The following ZZEF1 variants were observed in gnomAD, a reference collection of about 807,000 sequenced individuals.
ZZEF1 encodes zinc finger ZZ-type and EF-hand domain containing 1, also known as zinc finger ZZ-type and EF-hand domain-containing protein 1.
ZZEF1 carries 157 observed loss-of-function variants against 342.8 expected under a neutral mutation model. The ratio of observed to expected loss-of-function variants is 0.46; its 90% CI spans 0.40 to 0.52. The LOEUF is 0.52. Among genes scored for constraint, ZZEF1 ranks in the 20% least tolerant of loss-of-function variants. The pLI is 0.00. For missense variants in ZZEF1, 3,480 were observed against 3,725.6 expected (o/e 0.93, Z 1.72); for synonymous variants, 1,505 against 1,429.1 (o/e 1.05, Z -1.20).
intron 21 of ZZEF1, chr17:4,076,137 C>CTTTTTTTTTTTTTTTTTTTTTTT (rs549589021): frequency 8.2e-6 from 1 of 122,190 alleles, no homozygotes; most frequent in African/African-American, 3.2e-5. Flanking sequence ...CGTCTCCTTT[C>CTTTTTTTTTTTTTTTTTTTTTTT]TTTTTTTTTT....
chr17:4,097,901 C>T (rs562526811), intron 9 of ZZEF1, among the ~76,000 whole-genome samples: 2 of 127,974 alleles, frequency 1.6e-5, no homozygotes, highest in South Asian at 5.0e-4. Context: ...CCAGCCTGGG[C>T]AGCACAGTGA....
intron 3 of ZZEF1, among the ~76,000 whole-genome samples, chr17:4,115,599 G>A (rs549841940): frequency 6.8e-4 from 103 of 152,064 alleles, no homozygotes; most frequent in Non-Finnish European, 7.9e-4. Context: ...GGAGGTGAAG[G>A]TTTCGGTGAG....
rs778476294 is a variant in ZZEF1, at chr17:4,076,994, C to A, written c.2990-5G>T. 1 of 1,608,864 alleles carries A rather than the reference C, an allele frequency of 6.2e-7. No individual in the cohort carries two copies. The highest frequency in any genetic ancestry group is 1.3e-5 in the African/African-American group (1 of 74,608). On this transcript the variant is annotated splice_polypyrimidine_tract_variant and splice_region_variant and intron_variant, in intron 19 of 54. Coordinates refer to ENST00000381638, the MANE Select transcript of ZZEF1 (RefSeq NM_015113.4). ...TTGCCAGAAACTGGCCCACATCTAC[C>A]GAAACAAAGAAAATAATTAATATAT...
chr17:4,106,671 T>A (rs1442699874), intron 6 of ZZEF1, among the ~76,000 whole-genome samples: 2 of 152,182 alleles, frequency 1.3e-5, no homozygotes, highest in African/African-American at 4.8e-5. Context: ...CTTACATTTA[T>A]CTTTCTGAAT....
intron 2 of ZZEF1, among the ~76,000 whole-genome samples, chr17:4,123,310 T>TATATATAC (rs56657404): frequency 9.5e-6 from 1 of 104,912 alleles, no homozygotes; most frequent in South Asian, 3.0e-4. Context: ...TATATATATA[T>TATATATAC]CAGAAAAATA....
chr17:4,017,986 C>T lies in ZZEF1; in HGVS notation c.7506-15G>A. ...CACCATCAAACCTGCAGAAGGGCAG[C>T]ACAAAGTTGAGTACCAACAGTGTAG... On this transcript the variant is annotated splice_polypyrimidine_tract_variant and intron_variant, in intron 46 of 54. Coordinates refer to ENST00000381638, the MANE Select transcript of ZZEF1 (RefSeq NM_015113.4). This position sits in a 1 kb window ranked among gnomAD's most constrained non-coding sequence, Gnocchi z 5.1. The T allele has an allele frequency of 6.2e-7, 1 of 1,612,178 alleles. No individual in the cohort carries two copies. Among genetic ancestry groups the T allele is most frequent in the Non-Finnish European group, 8.5e-7 (1 of 1,179,928 alleles).
chr17:4,108,561 T>C (rs1227503130), intron 6 of ZZEF1, among the ~76,000 whole-genome samples: 1 of 151,838 alleles, frequency 6.6e-6, no homozygotes, highest in Non-Finnish European at 1.5e-5. Context: ...TTGCAGGGAG[T>C]CTGAGGATGA....
chr17:4,071,011 G>A, intron 25 of ZZEF1, 87 bp from the exon 26 acceptor site: 2 of 1,480,216 alleles, frequency 1.4e-6, no homozygotes, highest in Non-Finnish European at 9.1e-7. Context: ...CAAAGCAGAA[G>A]TATAAAACAC....
intron 30 of ZZEF1, 148 bp downstream of exon 30, chr17:4,062,605 C>T: frequency 1.1e-6 from 1 of 894,226 alleles, no homozygotes; most frequent in Non-Finnish European, 1.6e-6. Context: ...TATAACCCAT[C>T]TTTCCTTGGA....
In ZZEF1 at chr17:4,049,946, A is replaced by G. The variant is rs551546256; in HGVS notation, c.5864-87T>C. ...GTGCCATAAGTTACTTTGCCATTAT[A>G]TAGAAATAAATAAATGAGTTCTGCA... On this transcript the variant is annotated intron_variant, in intron 36 of 54. Transcript: ENST00000381638. The G allele has an allele frequency of 1.3e-5, 19 of 1,455,768 alleles. No individual in the cohort carries two copies. The South Asian group carries it at 2.4e-4, about 19-fold the overall frequency. 90.2% of individuals were successfully genotyped at this position (1,455,768 alleles called of 1,614,324 possible). A position where few individuals can be genotyped will look rare whatever the true frequency, so the allele number is the denominator to read the frequency against.
intron 18 of ZZEF1, among the ~76,000 whole-genome samples, 167 bp from the exon 19 acceptor site, chr17:4,078,209 C>T (rs981791285): frequency 2.0e-5 from 3 of 152,192 alleles, no homozygotes; most frequent in Non-Finnish European, 2.9e-5. Context: ...GATGGTATTA[C>T]GAAAACTCCC....
At chr17:4,032,763 G>A (rs2056576584) in intron 41 of ZZEF1, 65 bp downstream of exon 41, 1 of 1,549,320 alleles carries the variant, frequency 6.5e-7, no homozygotes, top group Non-Finnish European at 8.9e-7. Flanking sequence ...AGCCACAGAG[G>A]CTTTGGTGTG....
chr17:4,071,068 A>T (rs1160562451), intron 25 of ZZEF1, 144 bp from the exon 26 acceptor site: 3 of 914,482 alleles, frequency 3.3e-6, no homozygotes, highest in Non-Finnish European at 4.9e-6. Context: ...AAGACCAGAC[A>T]GAGATATGAG....
intron 3 of ZZEF1, 126 bp downstream of exon 3, chr17:4,116,846 C>A: frequency 1.0e-6 from 1 of 968,350 alleles, no homozygotes; most frequent in South Asian, 1.8e-5. Flanking sequence ...CACATTCTTA[C>A]GTTACAAACT....
intron 37 of ZZEF1, among the ~76,000 whole-genome samples, chr17:4,049,274 G>C (rs1000147807): frequency 1.3e-5 from 2 of 152,164 alleles, no homozygotes; most frequent in Non-Finnish European, 2.9e-5. Flanking sequence ...CACTTTGGGA[G>C]GCCAAGGCCA....
At chr17:4,031,364 A>G (rs2056542169) in intron 42 of ZZEF1, among the ~76,000 whole-genome samples, 1 of 151,994 alleles carries the variant, frequency 6.6e-6, no homozygotes, top group African/African-American at 2.4e-5. Flanking sequence ...TTACAATAGT[A>G]AAAAAAGTGT....
intron 2 of ZZEF1, among the ~76,000 whole-genome samples, chr17:4,121,503 G>A (rs2058482377): frequency 6.6e-6 from 1 of 152,096 alleles, no homozygotes; most frequent in Admixed American, 6.6e-5. Context: ...GCAGTTGCCT[G>A]TGCTCCCAGC....
At chr17:4,100,339 G>A (rs2058106416) in intron 9 of ZZEF1, among the ~76,000 whole-genome samples, 1 of 152,154 alleles carries the variant, frequency 6.6e-6, no homozygotes, top group Non-Finnish European at 1.5e-5. Flanking sequence ...GAGTGAGCAG[G>A]AGGAACCCAG....
chr17:4,064,534 C>A lies in ZZEF1; in HGVS notation c.4545G>T (p.Glu1515Asp). Residue 1515 changes from glutamate to aspartate, a missense_variant, in exon 29 of 55, where the codon GAG (glutamate) becomes GAT (aspartate). Transcript: ENST00000381638. ...AADVSPATAE[E>D]PLSPSTPTRR... Reference sequence around the variant, plus strand: ...GGGTGGGTGTGGAAGGTGACAAGGGCTCTTCAGCTGTGGCAGGGGACACGT... The same window carrying A: ...GGGTGGGTGTGGAAGGTGACAAGGGATCTTCAGCTGTGGCAGGGGACACGT... The A allele has an allele frequency of 6.2e-7, 1 of 1,614,174 alleles. No individual in the cohort carries two copies.
Sources: allele counts gnomAD v4.1 joint callset (sites outside exome capture counted in the v4.1 genomes callset), GRCh38; gene constraint gnomAD v4.1.1; non-coding constraint Gnocchi (gnomAD v3.1); transcripts MANE v1.5; gene names NCBI Gene and HGNC (gene_info 2026-07-23, HGNC 2026-07-21).